Variants in MIR2052HG observed in about 807,000 individuals in gnomAD.
MIR2052HG encodes MIR2052 host gene.
At chr8:74,715,360 C>T (rs1809509893) in intron 4 of MIR2052HG, among the ~76,000 whole-genome samples, 1 of 152,158 alleles carries the variant, frequency 6.6e-6, no homozygotes, top group African/African-American at 2.4e-5. Context: ...GTTCATGCTG[C>T]CTGGATATAC....
chr8:74,630,980 G>T (rs950781019), intron 2 of MIR2052HG, among the ~76,000 whole-genome samples: 1 of 152,322 alleles, frequency 6.6e-6, no homozygotes, highest in African/African-American at 2.4e-5. Flanking sequence ...ATGCTTAAAT[G>T]TAATTATGTG....
chr8:74,632,096 G>A (rs1808518852), intron 2 of MIR2052HG, among the ~76,000 whole-genome samples: 1 of 152,158 alleles, frequency 6.6e-6, no homozygotes, highest in Non-Finnish European at 1.5e-5. Context: ...TGAAGAGGAT[G>A]AGAGCCCTCT....
intron 4 of MIR2052HG, among the ~76,000 whole-genome samples, chr8:74,705,360 C>A (rs1809399706): frequency 6.6e-6 from 1 of 151,956 alleles, no homozygotes; most frequent in Non-Finnish European, 1.5e-5. Flanking sequence ...GATGTACTAA[C>A]CCTTTCTCTT....
At chr8:74,706,179 G>A (rs1417974781) in intron 4 of MIR2052HG, among the ~76,000 whole-genome samples, 2 of 152,064 alleles carry the variant, frequency 1.3e-5, no homozygotes, top group Non-Finnish European at 2.9e-5. Flanking sequence ...CATTTCACAA[G>A]GAAATATGAA....
At chr8:74,701,696 T>C (rs1809359736) in intron 2 of MIR2052HG, among the ~76,000 whole-genome samples, 1 of 152,136 alleles carries the variant, frequency 6.6e-6, no homozygotes, top group South Asian at 2.1e-4. Flanking sequence ...CTACTAATAG[T>C]CTACTAAATA....
intron 2 of MIR2052HG, among the ~76,000 whole-genome samples, chr8:74,618,151 A>G (rs938945481): frequency 6.6e-6 from 1 of 152,216 alleles, no homozygotes; most frequent in East Asian, 1.9e-4. Flanking sequence ...AGCACTATTT[A>G]GAAACTTGCC....
At chr8:74,631,792 GTGCT>G (rs1808515061) in intron 2 of MIR2052HG, among the ~76,000 whole-genome samples, 1 of 152,188 alleles carries the variant, frequency 6.6e-6, no homozygotes, top group African/African-American at 2.4e-5. Context: ...AGGACTTGCT[GTGCT>G]TCAGAGATGG....
intron 2 of MIR2052HG, among the ~76,000 whole-genome samples, chr8:74,645,667 C>T (rs1165789453): frequency 6.6e-6 from 1 of 152,192 alleles, no homozygotes; most frequent in Non-Finnish European, 1.5e-5. Context: ...TATGAATTGA[C>T]TTGAAACTTA....
chr8:74,654,162 C>A (rs1808780008), intron 2 of MIR2052HG, among the ~76,000 whole-genome samples: 1 of 151,836 alleles, frequency 6.6e-6, no homozygotes, highest in Non-Finnish European at 1.5e-5. Context: ...ATGCTTTTTT[C>A]TTCATTTTCA....
At chr8:74,657,719 C>T (rs1808821639) in intron 2 of MIR2052HG, among the ~76,000 whole-genome samples, 3 of 152,128 alleles carry the variant, frequency 2.0e-5, no homozygotes, top group African/African-American at 7.2e-5. Context: ...CTTTATAAAA[C>T]CATCAGATCT....
rs35641908 is a variant in MIR2052HG, at chr8:74,604,583, C to CTTTTTT, written n.128+4695_128+4700dup. On this transcript the variant is annotated intron_variant and non_coding_transcript_variant, in intron 1 of 6. Coordinates refer to ENST00000523442, the Ensembl canonical transcript of MIR2052HG. ...GCTCTGGGCCGGCCTTGTTTCTTTACTTTTTTTTTTTTTTTTTTTTTTTTT... is the reference window on the plus strand; with the variant it reads ...GCTCTGGGCCGGCCTTGTTTCTTTACTTTTTTTTTTTTTTTTTTTTTTTTTTTTTTT... 7.2e-3 allele frequency among the ~76,000 whole-genome samples: 358 copies of CTTTTTT among 50,058 alleles called. 14 individuals carry two copies. Among genetic ancestry groups the CTTTTTT allele is most frequent in the Non-Finnish European group, 7.9e-3 (224 of 28,184 alleles). 32.8% of individuals were successfully genotyped at this position (50,058 alleles called of 152,430 possible).
chr8:74,680,169 CAT>C (rs1809107080), intron 2 of MIR2052HG, among the ~76,000 whole-genome samples: 4 of 152,104 alleles, frequency 2.6e-5, no homozygotes, highest in Admixed American at 2.0e-4. Flanking sequence ...TTTATAAAAA[CAT>C]GTTATTTATC....
At chr8:74,634,351 A>G (rs2128734634) in intron 2 of MIR2052HG, among the ~76,000 whole-genome samples, 1 of 152,296 alleles carries the variant, frequency 6.6e-6, no homozygotes, top group East Asian at 1.9e-4. Context: ...TACATAGACA[A>G]CCTATGCCCA....
At chr8:74,608,627 A>G (rs1032060241) in intron 1 of MIR2052HG, among the ~76,000 whole-genome samples, 1 of 152,172 alleles carries the variant, frequency 6.6e-6, no homozygotes, top group Non-Finnish European at 1.5e-5. Context: ...ATTCATACAA[A>G]GTATATTGTC....
chr8:74,728,042 A>AAGAG (rs1270415370), intron 4 of MIR2052HG, among the ~76,000 whole-genome samples: 1 of 152,238 alleles, frequency 6.6e-6, no homozygotes, highest in African/African-American at 2.4e-5. Flanking sequence ...AGTACTAGGC[A>AAGAG]AGAGCATAGG....
intron 4 of MIR2052HG, among the ~76,000 whole-genome samples, chr8:74,733,167 G>A (rs1809711803): frequency 6.6e-6 from 1 of 151,848 alleles, no homozygotes; most frequent in African/African-American, 2.4e-5. Context: ...TGCCATGCTG[G>A]TGCGCTGCAC....
At chr8:74,697,307 T>C (rs1248888983) in intron 2 of MIR2052HG, among the ~76,000 whole-genome samples, 1 of 152,076 alleles carries the variant, frequency 6.6e-6, no homozygotes, top group East Asian at 1.9e-4. Context: ...TCAGTAAAAC[T>C]GGCCTAGAAG....
chr8:74,740,648 T>G (rs1175682625), intron 4 of MIR2052HG, among the ~76,000 whole-genome samples: 1 of 152,154 alleles, frequency 6.6e-6, no homozygotes, highest in Non-Finnish European at 1.5e-5. Context: ...AAAATACAGT[T>G]ATTAAATAAT....
chr8:74,712,228 G>A (rs1809475044), intron 4 of MIR2052HG, among the ~76,000 whole-genome samples: 1 of 152,132 alleles, frequency 6.6e-6, no homozygotes, highest in Non-Finnish European at 1.5e-5. Context: ...GTAAACACAT[G>A]TAAAGTATGT....
Sources: gnomAD v4.1 joint callset for allele counts (sites outside exome capture counted in the v4.1 genomes callset) on GRCh38, gnomAD v4.1.1 for gene constraint, MANE v1.5 for transcripts, NCBI Gene and HGNC (gene_info 2026-07-23, HGNC 2026-07-21) for gene names.